The following DMD variants were observed in gnomAD, a reference collection of about 807,000 sequenced individuals.
The protein encoded by DMD is mutant dystrophin.
A neutral mutation model predicts 330.1 loss-of-function variants in DMD; 63 were observed. The ratio of observed to expected loss-of-function variants is 0.19; its 90% CI spans 0.16 to 0.24. The LOEUF is 0.24. Among genes scored for constraint, DMD ranks in the 10% least tolerant of loss-of-function variants. DMD has a pLI of 1.00. For missense variants in DMD, 3,344 were observed against 2,684.1 expected, an observed-to-expected ratio of 1.25 and a Z score of -5.43; for synonymous variants, 1,223 against 959.8, an observed-to-expected ratio of 1.27 and a Z score of -5.07.
intron 51 of DMD, among the ~76,000 whole-genome samples, chrX:31,748,934 C>A (rs770463448): frequency 1.2e-3 from 136 of 111,279 alleles, no homozygotes; most frequent in African/African-American, 4.3e-3. Flanking sequence ...ATTTCGTAAG[C>A]AGCTATAATG....
At chrX:32,903,009 T>C (rs932828097) in intron 2 of DMD, among the ~76,000 whole-genome samples, 1 of 106,947 alleles carries the variant, frequency 9.4e-6, no homozygotes, top group Non-Finnish European at 1.9e-5. Context: ...ATACAAAAAT[T>C]AGCTGGGCTT....
intron 60 of DMD, among the ~76,000 whole-genome samples, chrX:31,357,216 A>T (rs1390766206): frequency 9.0e-6 from 1 of 111,090 alleles, no homozygotes; most frequent in Non-Finnish European, 1.9e-5. Flanking sequence ...AGGCCATTGG[A>T]GCATTCCTTT....
chrX:32,065,336 A>G (rs186188999), intron 44 of DMD, among the ~76,000 whole-genome samples: 12 of 111,028 alleles, frequency 1.1e-4, no homozygotes, highest in South Asian at 3.7e-4. Flanking sequence ...TTACCCAAAG[A>G]CCTACCATTA....
At position 31,491,150 on chromosome X, in the gene DMD, CA is replaced by C. The variant is rs1324174046; in HGVS notation, c.8547+5637del. On this transcript the variant is annotated intron_variant, in intron 57 of 78. Transcript: ENST00000357033. Reference sequence around the variant, plus strand: ...TAATTGAAAGATGAAAACCTAGTGACAAACAATTTCATTAGTAAAAAGGCAA... The same window carrying C: ...TAATTGAAAGATGAAAACCTAGTGACAACAATTTCATTAGTAAAAAGGCAA... Among the ~76,000 whole-genome samples the C allele has an allele frequency of 2.7e-5, 3 of 111,817 alleles. No homozygotes were observed. In the Admixed American group the frequency reaches 2.8e-4, roughly 11 times the overall value.
At chrX:31,163,519 T>C (rs1045712968) in intron 74 of DMD, among the ~76,000 whole-genome samples, 5 of 112,081 alleles carry the variant, frequency 4.5e-5, no homozygotes. Context: ...TATACCACGC[T>C]TTCCTCTCCA....
chrX:32,691,033 G>A (rs772411229), intron 9 of DMD, among the ~76,000 whole-genome samples: 1 of 110,927 alleles, frequency 9.0e-6, no homozygotes, highest in South Asian at 3.7e-4. Flanking sequence ...TCAACACTGT[G>A]AAAAGGCAAT....
At chrX:32,331,355 CAA>C (rs1039443809) in intron 41 of DMD, among the ~76,000 whole-genome samples, 10 of 111,397 alleles carry the variant, frequency 9.0e-5, no homozygotes, top group African/African-American at 3.2e-4. Flanking sequence ...TTTAGTGAAC[CAA>C]GTTTCCTCAT....
At chrX:33,051,212 C>CTTTTT (rs60096455) in intron 1 of DMD, among the ~76,000 whole-genome samples, 2 of 90,098 alleles carry the variant, frequency 2.2e-5, no homozygotes, top group Non-Finnish European at 4.3e-5. Context: ...ACTGACTTTT[C>CTTTTT]TTTTTTTTTT....
chrX:31,722,708 G>T (rs1426637812), intron 52 of DMD, among the ~76,000 whole-genome samples: 1 of 110,639 alleles, frequency 9.0e-6, no homozygotes, highest in Non-Finnish European at 1.9e-5. Context: ...TTGAATGGTT[G>T]TACAGCAGCA....
intron 9 of DMD, among the ~76,000 whole-genome samples, chrX:32,672,571 A>C (rs1224888830): frequency 9.0e-6 from 1 of 110,936 alleles, no homozygotes; most frequent in Non-Finnish European, 1.9e-5. Context: ...ATTGCTTTAA[A>C]TAAATCCTTT....
chrX:32,652,208 C>T (rs765390155), intron 9 of DMD, among the ~76,000 whole-genome samples: 1 of 110,094 alleles, frequency 9.1e-6, no homozygotes, highest in Admixed American at 9.7e-5. Flanking sequence ...CATATGTATA[C>T]ATGTGCCATG....
At chrX:32,331,891 A>T (rs985027114) in intron 41 of DMD, among the ~76,000 whole-genome samples, 4 of 111,951 alleles carry the variant, frequency 3.6e-5, no homozygotes, top group African/African-American at 6.5e-5. Flanking sequence ...CTTATTTTAT[A>T]CATAGTGATG....
At chrX:32,393,854 C>G (rs1183344430) in intron 30 of DMD, among the ~76,000 whole-genome samples, 1 of 110,808 alleles carries the variant, frequency 9.0e-6, no homozygotes, top group Non-Finnish European at 1.9e-5. Context: ...TCAACAGTGA[C>G]AGTTTGAGAT....
intron 44 of DMD, among the ~76,000 whole-genome samples, chrX:32,057,421 A>G (rs749514589): frequency 9.0e-6 from 1 of 111,623 alleles, no homozygotes; most frequent in Non-Finnish European, 1.9e-5. Context: ...CAAATTCAGC[A>G]AAGTTGCAGG....
intron 1 of DMD, among the ~76,000 whole-genome samples, chrX:33,048,694 T>TTA (rs1557232463): frequency 8.4e-5 from 3 of 35,621 alleles, no homozygotes; most frequent in Admixed American, 9.8e-4. Context: ...ACTCCCCATC[T>TTA]AAAAAAAAAA....
chrX:32,313,725 G>T (rs747397636), intron 41 of DMD, among the ~76,000 whole-genome samples: 2 of 111,579 alleles, frequency 1.8e-5, no homozygotes, highest in East Asian at 5.7e-4. Context: ...AAATCAACGT[G>T]CAAAAATCAC....
intron 2 of DMD, among the ~76,000 whole-genome samples, chrX:32,897,789 C>G (rs1360703673): frequency 1.8e-5 from 2 of 111,805 alleles, no homozygotes; most frequent in East Asian, 5.6e-4. Flanking sequence ...AGCCTTAGTT[C>G]AATGGATTAG....
intron 62 of DMD, among the ~76,000 whole-genome samples, chrX:31,271,341 G>A (rs2051614480): frequency 8.9e-6 from 1 of 111,792 alleles, no homozygotes; most frequent in South Asian, 3.8e-4. Context: ...TGGATTTGCA[G>A]TGTACTGTTG....
chrX:31,827,084 A>T (rs2149451109), intron 49 of DMD, among the ~76,000 whole-genome samples: 1 of 112,358 alleles, frequency 8.9e-6, no homozygotes, highest in Admixed American at 9.4e-5. Context: ...TACAAGAAAA[A>T]GTGATTTCTG....
Sources: gnomAD v4.1 joint callset for allele counts (sites outside exome capture counted in the v4.1 genomes callset) on GRCh38, gnomAD v4.1.1 for gene constraint, MANE v1.5 for transcripts, NCBI Gene and HGNC (gene_info 2026-07-23, HGNC 2026-07-21) for gene names.